Variants in CCDC171 observed in about 807,000 individuals in gnomAD.
CCDC171 encodes the protein coiled-coil domain-containing protein 171.
Under a neutral mutation model 168.2 loss-of-function variants are expected in CCDC171, and 177 were observed. The observed-to-expected ratio is 1.05, with a 90% CI of 0.93 to 1.19. The LOEUF (loss-of-function observed/expected upper bound fraction) is 1.19, where lower values mean the gene tolerates loss of function less well. Among genes scored for constraint, CCDC171 ranks in the 50% most tolerant of loss-of-function variants. The probability of loss-of-function intolerance (pLI) is 0.00; values close to 1 mark genes in which losing one functional copy is unlikely to be tolerated. For missense variants in CCDC171, 1,991 were observed against 1,539.0 expected, an observed-to-expected ratio of 1.29 and a Z score of -4.91; for synonymous variants, 687 against 540.8, an observed-to-expected ratio of 1.27 and a Z score of -3.75.
chr9:15,572,908 A>C (rs1157638830), intron 3 of CCDC171, among the ~76,000 whole-genome samples: 1 of 152,144 alleles, frequency 6.6e-6, no homozygotes, highest in Non-Finnish European at 1.5e-5. Context: ...CCTATAATCC[A>C]AGCACTTTGA....
intron 10 of CCDC171, among the ~76,000 whole-genome samples, chr9:15,686,290 A>G (rs1349934690): frequency 6.6e-6 from 1 of 152,086 alleles, no homozygotes; most frequent in Non-Finnish European, 1.5e-5. Context: ...TTAATCCCAG[A>G]CCCTATCTCA....
chr9:16,089,104 A>G, the CCDC171 span, among the ~76,000 whole-genome samples: 2 of 152,272 alleles, frequency 1.3e-5, no homozygotes, highest in African/African-American at 2.4e-5. Flanking sequence ...AAAACAAGCA[A>G]TGGGGAAAAT....
chr9:15,630,602 C>T (rs148873167), intron 7 of CCDC171, among the ~76,000 whole-genome samples: 2 of 152,278 alleles, frequency 1.3e-5, no homozygotes, highest in African/African-American at 4.8e-5. Flanking sequence ...CCACTGTCAA[C>T]ATTAGACAGA....
In CCDC171 at chr9:15,964,236, T is replaced by G. The variant is rs557820560; in HGVS notation, c.3754-7373T>G. Among the ~76,000 whole-genome samples, 21 of 152,354 alleles carry G rather than the reference T, an allele frequency of 1.4e-4. No individual in the cohort carries two copies. In the South Asian group the frequency reaches 1.7e-3, roughly 12 times the overall value. ...ACCCTCAGCCTATTTTCTAATTACATTATTTTAATTGATTTTCATGAGCCT... is the reference window on the plus strand; with the variant it reads ...ACCCTCAGCCTATTTTCTAATTACAGTATTTTAATTGATTTTCATGAGCCT... On this transcript the variant is annotated intron_variant, in intron 25 of 25. Transcript: ENST00000380701.
chr9:15,810,155 C>G (rs1455296931), intron 21 of CCDC171, among the ~76,000 whole-genome samples: 2 of 152,098 alleles, frequency 1.3e-5, no homozygotes, highest in East Asian at 3.9e-4. Flanking sequence ...CATTTACAAT[C>G]CTCTAGCTAG....
chr9:15,892,539 A>T (rs866909776), intron 24 of CCDC171, among the ~76,000 whole-genome samples: 70 of 152,282 alleles, frequency 4.6e-4, no homozygotes, highest in African/African-American at 1.6e-3. Context: ...GCAACCTGGC[A>T]TCCTGGGGAT....
At chr9:15,809,976 C>T (rs1467139323) in intron 21 of CCDC171, among the ~76,000 whole-genome samples, 5 of 152,166 alleles carry the variant, frequency 3.3e-5, no homozygotes, top group South Asian at 4.2e-4. Flanking sequence ...GACAGGGTGC[C>T]GATTGGTGCA....
At chr9:15,970,690 TAATTTCCAAC>T (rs1481653165) in intron 25 of CCDC171, among the ~76,000 whole-genome samples, 3 of 152,244 alleles carry the variant, frequency 2.0e-5, no homozygotes, top group African/African-American at 7.2e-5. Context: ...GTGGCATTTT[TAATTTCCAAC>T]AATTTCTGGA....
At chr9:15,841,588 C>T (rs2060682039) in intron 21 of CCDC171, among the ~76,000 whole-genome samples, 1 of 151,838 alleles carries the variant, frequency 6.6e-6, no homozygotes, top group African/African-American at 2.4e-5. Context: ...GATAGTATCC[C>T]TAAGGAAGAT....
chr9:15,567,439 A>T (rs543588196), intron 2 of CCDC171, among the ~76,000 whole-genome samples: 1 of 152,278 alleles, frequency 6.6e-6, no homozygotes, highest in African/African-American at 2.4e-5. Flanking sequence ...GTCTTTCCAT[A>T]TGAATTTTAG....
chr9:15,864,580 C>T (rs1006080927), intron 23 of CCDC171, among the ~76,000 whole-genome samples: 8 of 151,846 alleles, frequency 5.3e-5, no homozygotes, highest in Non-Finnish European at 8.8e-5. Flanking sequence ...TTTGTCCTTG[C>T]GATAGTTTAA....
At chr9:15,717,958 G>T (rs957837549) in intron 11 of CCDC171, among the ~76,000 whole-genome samples, 4 of 152,214 alleles carry the variant, frequency 2.6e-5, no homozygotes, top group African/African-American at 9.6e-5. Flanking sequence ...ACAGCAGAGA[G>T]AAGAATAAAG....
chr9:15,763,813 T>A (rs1295218263), intron 18 of CCDC171, among the ~76,000 whole-genome samples: 2 of 152,246 alleles, frequency 1.3e-5, no homozygotes, highest in Non-Finnish European at 2.9e-5. Flanking sequence ...ATTCATTAAC[T>A]TATTGATGGG....
intron 11 of CCDC171, among the ~76,000 whole-genome samples, chr9:15,700,586 C>T (rs1453671126): frequency 1.3e-5 from 2 of 152,212 alleles, no homozygotes; most frequent in Non-Finnish European, 2.9e-5. Flanking sequence ...TGAGGACTGC[C>T]AGCACGCTGT....
intron 21 of CCDC171, among the ~76,000 whole-genome samples, chr9:15,840,617 C>T (rs376370520): frequency 6.6e-6 from 1 of 152,064 alleles, no homozygotes; most frequent in Admixed American, 6.6e-5. Context: ...GTCTGCAGTG[C>T]AGCCAAACTC....
intron 1 of CCDC171, among the ~76,000 whole-genome samples, chr9:16,058,108 A>T (rs921973216): frequency 1.3e-5 from 2 of 152,182 alleles, no homozygotes; most frequent in Admixed American, 6.5e-5. Flanking sequence ...GCCAAGAAAT[A>T]TTCACATGAG....
At chr9:15,771,150 C>T (rs953364901) in intron 18 of CCDC171, among the ~76,000 whole-genome samples, 2 of 151,868 alleles carry the variant, frequency 1.3e-5, no homozygotes, top group Non-Finnish European at 2.9e-5. Context: ...CCATTTTAAG[C>T]AATATTGTAA....
chr9:15,635,937 C>G (rs2046169104), intron 7 of CCDC171, among the ~76,000 whole-genome samples: 1 of 152,104 alleles, frequency 6.6e-6, no homozygotes, highest in South Asian at 2.1e-4. Context: ...TCTCTAGATC[C>G]TCACCAACAG....
At chr9:15,605,791 A>G (rs2043187191) in intron 6 of CCDC171, among the ~76,000 whole-genome samples, 1 of 152,158 alleles carries the variant, frequency 6.6e-6, no homozygotes, top group Non-Finnish European at 1.5e-5. Context: ...ATGTCAGGAT[A>G]TAGAAGCATT....
Sources: gnomAD v4.1 joint callset for allele counts (sites outside exome capture counted in the v4.1 genomes callset) on GRCh38, gnomAD v4.1.1 for gene constraint, MANE v1.5 for transcripts, NCBI Gene and HGNC (gene_info 2026-07-23, HGNC 2026-07-21) for gene names.